The following TSPAN9 variants were observed in gnomAD, a reference collection of about 807,000 sequenced individuals.
TSPAN9 encodes the protein tetraspanin 9, also known as tetraspanin-9.
Under a neutral mutation model 31.0 loss-of-function variants are expected in TSPAN9, and 16 were observed. The ratio of observed to expected loss-of-function variants is 0.52; its 90% CI spans 0.35 to 0.78. The LOEUF is 0.78. TSPAN9 is among the 30% of genes least tolerant of loss of function. The probability of loss-of-function intolerance (pLI) is 0.01; values close to 1 mark genes in which losing one functional copy is unlikely to be tolerated. For synonymous variants in TSPAN9, 145 were observed against 121.6 expected (o/e 1.19, Z -1.27); for missense variants, 272 against 312.5 (o/e 0.87, Z 0.98).
intron 2 of TSPAN9, among the ~76,000 whole-genome samples, chr12:3,190,740 A>T (rs1466732934): frequency 6.6e-6 from 1 of 152,104 alleles, no homozygotes; most frequent in Non-Finnish European, 1.5e-5. Context: ...GGCCATTCTA[A>T]CTCTTTTTGT....
rs956851981 is a variant in TSPAN9, at chr12:3,285,737, A to G, written c.*2621A>G. The G allele has an allele frequency of 6.6e-6, 1 of 152,206 alleles. No individual in the cohort carries two copies. The highest frequency in any genetic ancestry group is 1.5e-5 in the Non-Finnish European group (1 of 68,042). The allele number at this position is 152,206 out of a possible 1,614,324, so 9.4% of individuals were successfully genotyped here. On this transcript the variant is annotated 3_prime_UTR_variant, in exon 9 of 9. Coordinates refer to ENST00000011898, the MANE Select transcript of TSPAN9 (RefSeq NM_006675.5). ...GGCTCCCTTTGCCAGAGTCAGTTCA[A>G]TCAGGTCTGATGTGAGCAATTTACA... is the stretch of plus-strand genomic sequence containing the variant.
At chr12:3,211,608 T>TTA (rs1555152591) in intron 3 of TSPAN9, 1,619 of 932,666 alleles carry the variant, frequency 1.7e-3, no homozygotes, top group South Asian at 5.7e-3. Context: ...TTTTTTTTTT[T>TTA]ATCCAAAATG....
intron 3 of TSPAN9, among the ~76,000 whole-genome samples, chr12:3,234,497 C>G (rs529706972): frequency 6.6e-6 from 1 of 152,338 alleles, no homozygotes; most frequent in East Asian, 1.9e-4. Context: ...ATTGACCTGC[C>G]TGCAAACTGG....
At chr12:3,188,013 G>C (rs1204622493) in intron 2 of TSPAN9, among the ~76,000 whole-genome samples, 1 of 152,164 alleles carries the variant, frequency 6.6e-6, no homozygotes, top group South Asian at 2.1e-4. Flanking sequence ...GTACCTATGG[G>C]TGCTGGGGAA....
chr12:3,269,865 G>T (rs1199787293), intron 3 of TSPAN9, among the ~76,000 whole-genome samples: 4 of 152,224 alleles, frequency 2.6e-5, no homozygotes, highest in African/African-American at 9.6e-5. Context: ...CACTGCCCAG[G>T]CCCAGGATGG....
chr12:3,095,919 C>T (rs1368218183), intron 2 of TSPAN9, among the ~76,000 whole-genome samples: 1 of 150,002 alleles, frequency 6.7e-6, no homozygotes, highest in African/African-American at 2.5e-5. Flanking sequence ...ACACTCCTCA[C>T]TTCCCAGACG....
At chr12:3,282,512 G>A (rs928698606) in intron 8 of TSPAN9, among the ~76,000 whole-genome samples, 39 of 152,298 alleles carry the variant, frequency 2.6e-4, no homozygotes, top group African/African-American at 9.1e-4. Context: ...TCCCACTTCA[G>A]CCTCTCAAGT....
chr12:3,232,684 C>T (rs1204746102), intron 3 of TSPAN9, among the ~76,000 whole-genome samples: 1 of 152,228 alleles, frequency 6.6e-6, no homozygotes, highest in Non-Finnish European at 1.5e-5. Context: ...CAAGGTCCCC[C>T]AGTGATGCTG....
At chr12:3,109,171 C>T (rs36139504) in intron 2 of TSPAN9, among the ~76,000 whole-genome samples, 21 of 151,682 alleles carry the variant, frequency 1.4e-4, no homozygotes, top group Admixed American at 2.0e-4. Context: ...CTCCTGACCT[C>T]GTGATCCGCC....
intron 2 of TSPAN9, among the ~76,000 whole-genome samples, chr12:3,089,961 A>AT (rs1328526410): frequency 6.6e-6 from 1 of 152,156 alleles, no homozygotes; most frequent in Non-Finnish European, 1.5e-5. Flanking sequence ...TTGCAAAATA[A>AT]TAAAAACTCA....
At chr12:3,230,403 G>C (rs550699255) in intron 3 of TSPAN9, among the ~76,000 whole-genome samples, 209 of 152,128 alleles carry the variant, frequency 1.4e-3, no homozygotes, top group African/African-American at 4.3e-3. Context: ...TGACTCCCCT[G>C]CCTGCATCTC....
At chr12:3,236,707 A>AG (rs999627375) in intron 3 of TSPAN9, among the ~76,000 whole-genome samples, 1 of 152,140 alleles carries the variant, frequency 6.6e-6, no homozygotes, top group African/African-American at 2.4e-5. Context: ...CAGCCTTTGT[A>AG]GGGGAATCAT....
intron 2 of TSPAN9, among the ~76,000 whole-genome samples, chr12:3,184,439 G>A (rs1435456767): frequency 3.3e-5 from 5 of 151,668 alleles, no homozygotes; most frequent in African/African-American, 1.2e-4. Context: ...GAGAGAGAAA[G>A]AAAGAGAGAA....
intron 3 of TSPAN9, among the ~76,000 whole-genome samples, chr12:3,209,741 C>T (rs377050146): frequency 0.013 from 1,949 of 152,020 alleles, 19 homozygotes; most frequent in South Asian, 0.039. Context: ...GGGCGGATCA[C>T]GAGGTCAGGA....
chr12:3,241,424 GTT>G (rs1565628372), intron 3 of TSPAN9, among the ~76,000 whole-genome samples: 1 of 152,140 alleles, frequency 6.6e-6, no homozygotes, highest in Non-Finnish European at 1.5e-5. Context: ...GTACAGCTGA[GTT>G]TTGAAAAACA....
intron 3 of TSPAN9, among the ~76,000 whole-genome samples, chr12:3,253,085 C>A (rs1036217902): frequency 2.6e-4 from 39 of 152,158 alleles, no homozygotes; most frequent in Admixed American, 1.3e-4. Context: ...ATCTGACCCA[C>A]CTCTCAGAAG....
intron 2 of TSPAN9, among the ~76,000 whole-genome samples, chr12:3,088,543 G>A (rs1178106261): frequency 6.6e-6 from 1 of 152,212 alleles, no homozygotes; most frequent in Non-Finnish European, 1.5e-5. Flanking sequence ...TCTTGGCTCA[G>A]CCTGCCCCCA....
chr12:3,081,844 G>GTGTGTGTGTGTGTATATATATATATATA (rs57812985), intron 1 of TSPAN9, among the ~76,000 whole-genome samples: 5 of 116,732 alleles, frequency 4.3e-5, no homozygotes, highest in South Asian at 2.9e-4. Flanking sequence ...GTCTGTGTGT[G>GTGTGTGTGTGTGTATATATATATATATA]TATATATATG....
chr12:3,165,825 G>T (rs536064185), intron 2 of TSPAN9, among the ~76,000 whole-genome samples: 1 of 152,314 alleles, frequency 6.6e-6, no homozygotes, highest in South Asian at 2.1e-4. Context: ...TGCATCATTG[G>T]AGTTGCCGAG....
Sources: allele counts gnomAD v4.1 joint callset (sites outside exome capture counted in the v4.1 genomes callset), GRCh38; gene constraint gnomAD v4.1.1; transcripts MANE v1.5; gene names NCBI Gene and HGNC (gene_info 2026-07-23, HGNC 2026-07-21).